The following KDM5B variants were observed in gnomAD, a reference collection of about 807,000 sequenced individuals.
KDM5B encodes lysine demethylase 5B.
A neutral mutation model predicts 193.4 loss-of-function variants in KDM5B; 144 were observed. The ratio of observed to expected loss-of-function variants is 0.74; its 90% confidence interval spans 0.65 to 0.86. The LOEUF (loss-of-function observed/expected upper bound fraction) is 0.86. KDM5B is among the 40% of genes least tolerant of loss of function. The probability of loss-of-function intolerance (pLI) is 0.00; values close to 1 mark genes in which losing one functional copy is unlikely to be tolerated. For missense variants in KDM5B, 1,833 were observed against 1,886.9 expected (o/e 0.97, Z 0.53); for synonymous variants, 668 against 682.6 (o/e 0.98, Z 0.33).
intron 22 of KDM5B, 84 bp downstream of exon 22, chr1:202,735,344 CT>C: frequency 7.1e-7 from 1 of 1,415,848 alleles, no homozygotes; most frequent in South Asian, 1.4e-5. Context: ...CTCTACTTGC[CT>C]TCTCCAAATT....
Position 202,725,956 on chromosome 1 carries a change from A to G in KDM5B, c.*3080T>C, listed in dbSNP as rs1166983666. 1 of 152,264 alleles carries G rather than the reference A, an allele frequency of 6.6e-6. No homozygotes were observed. The highest frequency in any genetic ancestry group is 2.4e-5 in the African/African-American group (1 of 41,460). The allele number at this position is 152,264 out of a possible 1,614,324, so 9.4% of individuals were successfully genotyped here. On this transcript the variant is annotated 3_prime_UTR_variant, in exon 27 of 27. Coordinates refer to ENST00000367265, the MANE Select transcript of KDM5B (RefSeq NM_006618.5). ...CAGAAGCAGGTCTTAACAGACTGCC[A>G]AATATCCATCAAGATTTTTTAAGTG...
Position 202,771,398 on chromosome 1 carries a change from A to ATTTT in KDM5B, c.576+1716_576+1719dup, listed in dbSNP as rs35164548. Among the ~76,000 whole-genome samples, 630 of 139,748 alleles carry ATTTT rather than the reference A, an allele frequency of 4.5e-3. 3 individuals carry two copies. The highest frequency in any genetic ancestry group is 8.4e-3 in the South Asian group (37 of 4,396). 91.7% of individuals were successfully genotyped at this position (139,748 alleles called of 152,430 possible). A position where few individuals can be genotyped will look rare whatever the true frequency, so the allele number is the denominator to read the frequency against. On this transcript the variant is annotated intron_variant, in intron 4 of 26. Transcript: ENST00000367265. ...AAGTGCCTGCCACCACATCCAGCTAATTTTTTTTTTTTTTGTATTTTTAGT... is the reference window on the plus strand; with the variant it reads ...AAGTGCCTGCCACCACATCCAGCTAATTTTTTTTTTTTTTTTTTGTATTTTTAGT...
At chr1:202,731,708 C>T (rs1398445784) in intron 24 of KDM5B, 120 bp downstream of exon 24, 1 of 764,314 alleles carries the variant, frequency 1.3e-6, no homozygotes, top group African/African-American at 1.7e-5. Flanking sequence ...ACATAATAGC[C>T]TATATCCTAC....
intron 11 of KDM5B, 145 bp from the exon 12 acceptor site, chr1:202,753,212 T>C: frequency 1.4e-6 from 1 of 703,138 alleles, no homozygotes; most frequent in South Asian, 1.9e-5. Context: ...GAAATGTGAA[T>C]GTGAGCCAGG....
In KDM5B at chr1:202,792,201, TTTTTA is replaced by T. The variant is rs376028447; in HGVS notation, c.205-15112_205-15108del. On this transcript the variant is annotated intron_variant, in intron 1 of 26. Transcript: ENST00000367265. ...TTCCTTATTTTTTCTTTCTTTCTTA[TTTTTA>T]TTTTGTTTTCTATATTTTGAGGGAT... 9.1e-4 allele frequency among the ~76,000 whole-genome samples: 138 copies of T among 152,218 alleles called. 1 individual carries two copies. In the East Asian group the frequency reaches 0.017, roughly 18 times the overall value.
chr1:202,746,271 C>T lies in KDM5B; in HGVS notation c.2069G>A (p.Arg690His), dbSNP rs770127202. The change falls in exon 15 of 27, where the codon CGT (arginine) becomes CAT (histidine). Residue 690 changes from arginine to histidine, a missense_variant. Arg to His is a conservative substitution (Grantham distance 29). This residue lies in a region of KDM5B where 1,379 missense variants were observed against 1,349.6 expected (regional missense o/e 1.02). Transcript: ENST00000367265. ...MDFELLPDDE[R>H]QCVKCKTTCF... ...TGTAGTTTTGCATTTTACACACTGA[C>T]GTTCATCATCTGGCAACAGCTCAAA... is the stretch of plus-strand genomic sequence containing the variant. 9.9e-6 allele frequency: 16 copies of T among 1,613,236 alleles called. No individual in the cohort carries two copies. The highest frequency in any genetic ancestry group is 2.7e-5 in the African/African-American group (2 of 74,874).
chr1:202,748,912 GACA>G, intron 14 of KDM5B, 30 bp downstream of exon 14: 1 of 1,551,292 alleles, frequency 6.4e-7, no homozygotes, highest in Non-Finnish European at 8.8e-7. Flanking sequence ...AATACCCAAT[GACA>G]ACATGCAGTT....
In KDM5B at chr1:202,751,476, T is replaced by C. The variant is rs1291610961; in HGVS notation, c.1702-698A>G. Among the ~76,000 whole-genome samples the C allele has an allele frequency of 2.6e-5, 4 of 152,158 alleles. 1 individual carries two copies. Among genetic ancestry groups the C allele is most frequent in the Admixed American group, 2.6e-4 (4 of 15,266 alleles). On this transcript the variant is annotated intron_variant, in intron 12 of 26. Coordinates refer to ENST00000367265, the MANE Select transcript of KDM5B (RefSeq NM_006618.5). ...TGGAGACCAGCCATCTGTGTAGTAA[T>C]ACGGCCTTCAGGGTTCTGTGTAAAG...
At chr1:202,773,881 G>T (rs1328665336) in intron 3 of KDM5B, among the ~76,000 whole-genome samples, 1 of 152,066 alleles carries the variant, frequency 6.6e-6, no homozygotes, top group Non-Finnish European at 1.5e-5. Flanking sequence ...GGGATTACAG[G>T]CATGTGCCAC....
At chr1:202,776,529 C>CTG (rs910951968) in intron 2 of KDM5B, among the ~76,000 whole-genome samples, 1 of 151,910 alleles carries the variant, frequency 6.6e-6, no homozygotes, top group African/African-American at 2.4e-5. Context: ...AAACACAATT[C>CTG]TGTGTGTGTG....
In KDM5B at chr1:202,743,989, T is replaced by C. The variant is rs371709160; in HGVS notation, c.2324-1184A>G. Among the ~76,000 whole-genome samples the C allele has an allele frequency of 1.1e-4, 17 of 152,114 alleles. 1 individual carries two copies. Among genetic ancestry groups the C allele is most frequent in the Admixed American group, 6.5e-4 (10 of 15,290 alleles). On this transcript the variant is annotated intron_variant, in intron 16 of 26. Transcript: ENST00000367265. Reference sequence around the variant, plus strand: ...TTCAACAAAAGCAAAAACTGACAAATGGGATCTAATTAAAGAGCTTCTGCA... The same window carrying C: ...TTCAACAAAAGCAAAAACTGACAAACGGGATCTAATTAAAGAGCTTCTGCA...
At chr1:202,782,097 T>C (rs1259808138) in intron 1 of KDM5B, among the ~76,000 whole-genome samples, 2 of 152,184 alleles carry the variant, frequency 1.3e-5, no homozygotes, top group Non-Finnish European at 2.9e-5. Context: ...ATAAGGATGC[T>C]CATACAGTGG....
intron 20 of KDM5B, among the ~76,000 whole-genome samples, chr1:202,740,332 G>A (rs1337472045): frequency 1.5e-5 from 2 of 133,916 alleles, no homozygotes; most frequent in Non-Finnish European, 3.4e-5. Context: ...CTCACCTCCC[G>A]GACGGGGTGG....
At chr1:202,786,873 C>G (rs1457952129) in intron 1 of KDM5B, among the ~76,000 whole-genome samples, 1 of 152,048 alleles carries the variant, frequency 6.6e-6, no homozygotes, top group African/African-American at 2.4e-5. Flanking sequence ...ATGCAGAAAC[C>G]CCGTCTTTAT....
chr1:202,755,279 G>A lies in KDM5B; in HGVS notation c.1530C>T (p.Tyr510=). 6.2e-7 allele frequency: 1 copy of A among 1,613,776 alleles called. No individual in the cohort carries two copies. Residue 510 remains tyrosine, a synonymous_variant, in exon 11 of 27, where the codon TAC becomes TAT. Transcript: ENST00000367265. ...TTTTTGGAACTTCTCACCAGTGCAA[G>A]TAGTTAATTGAATAGCTCCAGTGGT... is the stretch of plus-strand genomic sequence containing the variant. The part of the protein sequence containing the change: ...IEDHWSYSIN[Y]LHWGEPKTWY...
In KDM5B at chr1:202,729,767, G is replaced by T; in HGVS notation, c.4437C>A (p.Asp1479Glu). 2 of 1,614,060 alleles carry T rather than the reference G, an allele frequency of 1.2e-6. No homozygotes were observed. The highest frequency in any genetic ancestry group is 1.1e-5 in the South Asian group (1 of 91,076). Residue 1479 changes from aspartate (D) to glutamate (E), a missense_variant, in exon 26 of 27, where the codon GAC (aspartate) becomes GAA (glutamate). Around this residue, in one of 3 missense-constraint regions of KDM5B, gnomAD observed 1,379 missense variants for 1,349.6 expected, o/e 1.02. Transcript: ENST00000367265. ...PSDTSYSEQE[D>E]SEDEDAICPA... The stretch of plus-strand genomic sequence containing the variant: ...GGCAGATGGCATCTTCATCCTCAGA[G>T]TCTTCCTGTTCGGAATAGGATGTGT...
intron 1 of KDM5B, among the ~76,000 whole-genome samples, chr1:202,788,941 G>T (rs913286607): frequency 6.6e-6 from 1 of 152,074 alleles, no homozygotes; most frequent in Non-Finnish European, 1.5e-5. Context: ...CTGTCTGTCA[G>T]GGGGAAGGGA....
rs768973795 is a variant in KDM5B at position 202,774,661 on chromosome 1, T to C, written c.357A>G (p.Lys119=). 1.7e-5 allele frequency: 28 copies of C among 1,612,974 alleles called. No individual in the cohort carries two copies. Among genetic ancestry groups the C allele is most frequent in the Non-Finnish European group, 2.3e-5 (27 of 1,178,926 alleles). ...AGATCTTCCTCTCCACATGTGGAAT[T>C]TTCAGAGTACTTCCCTGTAACTCCC... The part of the protein sequence containing the change: ...KYWELQGSTL[K]IPHVERKILD... Residue 119 remains lysine, a synonymous_variant, in exon 3 of 27, where the codon AAA becomes AAG. Coordinates refer to ENST00000367265, the MANE Select transcript of KDM5B (RefSeq NM_006618.5).
At chr1:202,795,960 G>C in intron 1 of KDM5B, 1 of 152,900 alleles carries the variant, frequency 6.5e-6, no homozygotes, top group Non-Finnish European at 1.5e-5. Context: ...TGAGGCCACA[G>C]AGCTGTAATG....
Sources: gnomAD v4.1 joint callset for allele counts (sites outside exome capture counted in the v4.1 genomes callset) on GRCh38, gnomAD v4.1.1 for gene constraint, gnomAD v4.1.1 regional missense constraint, MANE v1.5 for transcripts, NCBI Gene and HGNC (gene_info 2026-07-23, HGNC 2026-07-21) for gene names.